The following FBRS variants were observed in gnomAD, a reference collection of about 807,000 sequenced individuals.
FBRS encodes fibrosin.
FBRS carries 15 observed loss-of-function variants against 86.1 expected under a neutral mutation model. That is an observed-to-expected ratio of 0.17 (90% CI 0.12 to 0.27). The LOEUF (loss-of-function observed/expected upper bound fraction) is 0.27. Ranked by LOEUF, FBRS falls within the 10% of genes least tolerant of loss-of-function variation. The pLI is 1.00. For missense variants in FBRS, 1,367 were observed against 1,301.6 expected (o/e 1.05, Z -0.77); for synonymous variants, 666 against 575.8 (o/e 1.16, Z -2.24).
Position 30,659,356 on chromosome 16 carries a change from GT to G in FBRS, c.-162del, listed in dbSNP as rs1357110747. On this transcript the variant is annotated 5_prime_UTR_variant, in exon 1 of 18. Transcript: ENST00000356166. ...GGGGGCGGCGCCGGCTCCCCGGGCC[GT>G]GGCCTTGGGGCAAGCTCGGGGCCAG... 3 of 196,330 alleles carry G rather than the reference GT, an allele frequency of 1.5e-5. No individual in the cohort carries two copies. Among genetic ancestry groups the G allele is most frequent in the African/African-American group, 2.4e-5 (1 of 42,280 alleles). 12.2% of individuals were successfully genotyped at this position (196,330 alleles called of 1,614,324 possible). A position where few individuals can be genotyped will look rare whatever the true frequency, so the allele number is the denominator to read the frequency against.
intron 14 of FBRS, 35 bp downstream of exon 14, chr16:30,667,472 C>A (rs1167704486): frequency 6.6e-7 from 1 of 1,519,222 alleles, no homozygotes; most frequent in East Asian, 2.5e-5. Flanking sequence ...CCTGAGGTTC[C>A]CTGTCTATAG....
In FBRS at chr16:30,664,804, C is replaced by G. The variant is rs1284172235; in HGVS notation, c.1447C>G (p.Pro483Ala). 2 of 1,557,048 alleles carry G rather than the reference C, an allele frequency of 1.3e-6. No homozygotes were observed. Among genetic ancestry groups the G allele is most frequent in the South Asian group, 2.4e-5 (2 of 84,954 alleles). ...EVVGAGGSAR[P>A]LAFQFHQHNH... is the part of the protein sequence containing the mutation. ...GGTGGGGGCAGGGGGCTCGGCCCGG[C>G]CCCTGGCCTTCCAGTTCCACCAGCA... Residue 483 changes from proline to alanine, a missense_variant, in exon 8 of 18, where the codon CCC (proline) becomes GCC (alanine). This residue lies in a region of FBRS where 702 missense variants were observed against 598.7 expected (regional missense o/e 1.17). Coordinates refer to ENST00000356166, the MANE Select transcript of FBRS (RefSeq NM_001105079.3).
Position 30,659,556 on chromosome 16 carries a change from G to C in FBRS, c.38G>C (p.Trp13Ser). The C allele has an allele frequency of 3.0e-6, 1 of 328,666 alleles. No homozygotes were observed. The highest frequency in any genetic ancestry group is 5.5e-6 in the Non-Finnish European group (1 of 182,372). 20.4% of individuals were successfully genotyped at this position (328,666 alleles called of 1,614,324 possible). ...GCGGCCGCGGCCCCGGGTCCGGGCT[G>C]GGCAGCAGAGGGGGAGCGCCGACGG... ...TAAAAAPGPG[W>S]AAEGERRRRR... Residue 13 changes from tryptophan to serine, a missense_variant, in exon 1 of 18, where the codon TGG becomes TCG. Physicochemically the swap from Trp to Ser is radical, Grantham distance 177. Transcript: ENST00000356166.
Position 30,665,638 on chromosome 16 carries a change from A to C in FBRS, c.1705A>C (p.Ser569Arg). The change falls in exon 11 of 18, where the codon AGC (serine) becomes CGC (arginine). Residue 569 changes from serine to arginine, a missense_variant and splice_region_variant. Physicochemically the swap from Ser to Arg is moderately radical, Grantham distance 110 (BLOSUM62 -1). Transcript: ENST00000356166. This position sits in a 1 kb window ranked among gnomAD's most constrained non-coding sequence, Gnocchi z 4.1. ...TGATCCCTCCACTCCCCTTTCCCAG[A>C]GCACGAACCCTGAGCTGCCACCACG... ...GSLQGAFQPK[S>R]TNPELPPRLG... The C allele has an allele frequency of 6.3e-7, 1 of 1,586,030 alleles. No individual in the cohort carries two copies.
In FBRS at chr16:30,664,411, C is replaced by G. The variant is rs767869149; in HGVS notation, c.1252C>G (p.Pro418Ala). ...TCCCGGGCTGCGGCCCCCCCCACCA[C>G]CCCACCACCCCTCCTTGTTCTCCCC... Reference protein sequence around the residue: ...PPPGLRPPPPPHHPSLFSPGP... With the variant: ...PPPGLRPPPPAHHPSLFSPGP... The change falls in exon 7 of 18, where the codon CCC becomes GCC. Residue 418 changes from proline (P) to alanine (A), a missense_variant. Transcript: ENST00000356166. 704 of 1,402,442 alleles carry G rather than the reference C, an allele frequency of 5.0e-4. 4 individuals are homozygous for G. The highest frequency in any genetic ancestry group is 1.1e-4 in the Non-Finnish European group (120 of 1,050,740). The allele number at this position is 1,402,442 out of a possible 1,614,324, so 86.9% of individuals were successfully genotyped here.
chr16:30,669,207 T>C lies in FBRS; in HGVS notation c.2505T>C (p.Ala835=), dbSNP rs750199842. ...GGAAGGAGGAGGCTGCCGCCGCCGC[T>C]GCCGCTGCTGCTGCCGCCGCCGCTG... ...EERKEEAAAA[A]AAAAAAAAAA... is the part of the protein sequence containing the mutation. Residue 835 remains alanine, a synonymous_variant, in exon 18 of 18, where the codon GCT becomes GCC. Coordinates refer to ENST00000356166, the MANE Select transcript of FBRS (RefSeq NM_001105079.3). This position sits in a 1 kb window ranked among gnomAD's most constrained non-coding sequence, Gnocchi z 5.9. 419 of 1,544,310 alleles carry C rather than the reference T, an allele frequency of 2.7e-4. 1 individual carries two copies. Among genetic ancestry groups the C allele is most frequent in the South Asian group, 5.2e-4 (44 of 84,072 alleles).
intron 1 of FBRS, 126 bp from the exon 2 acceptor site, chr16:30,660,137 A>C (rs2052439024): frequency 7.0e-7 from 1 of 1,420,386 alleles, no homozygotes; most frequent in Non-Finnish European, 9.2e-7. Flanking sequence ...GGGTGGGAGG[A>C]GGTAGAGCTC....
chr16:30,664,901 C>T lies in FBRS; in HGVS notation c.1544C>T (p.Pro515Leu). The part of the protein sequence containing the change: ...HFTPYPPGLL[P>L]PHGPHMFEKY... The stretch of plus-strand genomic sequence containing the variant: ...ACCCCTTATCCCCCGGGCCTGCTGC[C>T]ACCCCACGGCCCCCACATGGTGAGC... Residue 515 changes from proline (P) to leucine (L), a missense_variant, in exon 8 of 18, where the codon CCA becomes CTA. This residue lies in a region of FBRS where 659 missense variants were observed against 678.8 expected (regional missense o/e 0.97). Transcript: ENST00000356166. 5 of 1,610,750 alleles carry T rather than the reference C, an allele frequency of 3.1e-6. No homozygotes were observed. Among genetic ancestry groups the T allele is most frequent in the South Asian group, 1.1e-5 (1 of 90,484 alleles).
Position 30,670,293 on chromosome 16 carries a change from A to C in FBRS, c.*648A>C. On this transcript the variant is annotated 3_prime_UTR_variant, in exon 18 of 18. Coordinates refer to ENST00000356166, the MANE Select transcript of FBRS (RefSeq NM_001105079.3). ...TTCTCCCTGGGAAGGTGGGGCCAGC[A>C]GGAGATGACCAACAGGGGGCAGGAC... 1 of 436,940 alleles carries C rather than the reference A, an allele frequency of 2.3e-6. No individual in the cohort carries two copies. Among genetic ancestry groups the C allele is most frequent in the Non-Finnish European group, 4.6e-6 (1 of 217,294 alleles). The allele number at this position is 436,940 out of a possible 1,614,324, so 27.1% of individuals were successfully genotyped here.
chr16:30,659,695 G>T lies in FBRS; in HGVS notation c.177G>T (p.Ser59=). ...CGCGCGGCTCCTCGTCCTCGTCGTC[G>T]CCGCCGCCGCCCGCCAGGCCTTGGT... ...AAPRGSSSSS[S]PPPPARPWSS... is the part of the protein sequence containing the mutation. The change falls in exon 1 of 18, where the codon TCG becomes TCT. Residue 59 remains serine, a synonymous_variant. Coordinates refer to ENST00000356166, the MANE Select transcript of FBRS (RefSeq NM_001105079.3). 1 of 926,864 alleles carries T rather than the reference G, an allele frequency of 1.1e-6. No individual in the cohort carries two copies. 57.4% of individuals were successfully genotyped at this position (926,864 alleles called of 1,614,324 possible). A position where few individuals can be genotyped will look rare whatever the true frequency, so the allele number is the denominator to read the frequency against.
Position 30,658,931 on chromosome 16 carries a change from CTT to C in FBRS, c.-585_-584del, listed in dbSNP as rs762479445. The C allele has an allele frequency of 6.6e-6, 1 of 152,204 alleles. No individual in the cohort carries two copies. Among genetic ancestry groups the C allele is most frequent in the Non-Finnish European group, 1.5e-5 (1 of 68,076 alleles). The allele number at this position is 152,204 out of a possible 1,614,324, so 9.4% of individuals were successfully genotyped here. A position where few individuals can be genotyped will look rare whatever the true frequency, so the allele number is the denominator to read the frequency against. On this transcript the variant is annotated 5_prime_UTR_variant, in exon 1 of 18. Transcript: ENST00000356166. Reference sequence around the variant, plus strand: ...TCCTCCTCCCCCACACACAAGAAGTCTTTTAAATTCAACTTAAAGGGGAAGTG... The same window carrying C: ...TCCTCCTCCCCCACACACAAGAAGTCTTAAATTCAACTTAAAGGGGAAGTG...
Position 30,668,275 on chromosome 16 carries a change from G to A in FBRS, c.2075-285G>A, listed in dbSNP as rs117183757. 2,574 of 431,084 alleles carry A rather than the reference G, an allele frequency of 6.0e-3. 16 individuals carry two copies. Among genetic ancestry groups the A allele is most frequent in the Non-Finnish European group, 7.0e-3 (1,662 of 238,520 alleles). The allele number at this position is 431,084 out of a possible 1,614,324, so 26.7% of individuals were successfully genotyped here. On this transcript the variant is annotated intron_variant, in intron 15 of 17. Transcript: ENST00000356166. ...AAGCCCTGGGTTGGTACCGCTCCCT[G>A]GCTAGATGACCACCAGCAAGTCATT...
At chr16:30,663,080 G>A (rs533178302) in intron 6 of FBRS, 1 of 900,604 alleles carries the variant, frequency 1.1e-6, no homozygotes, top group Non-Finnish European at 1.5e-6. Flanking sequence ...TGTGTTTGCT[G>A]GTGAGAACGT....
In FBRS at chr16:30,668,906, C is replaced by A; in HGVS notation, c.2293C>A (p.Arg765=). The A allele has an allele frequency of 6.3e-7, 1 of 1,587,762 alleles. No homozygotes were observed. Among genetic ancestry groups the A allele is most frequent in the East Asian group, 2.3e-5 (1 of 43,820 alleles). ...CTGGGTCCGGCCCCCTGAGGCCGCC[C>A]GGACTCCAGGCTCAGACAAGGAGCG... is the stretch of plus-strand genomic sequence containing the variant. ...PAWVRPPEAA[R]TPGSDKERPV... Residue 765 remains arginine, a synonymous_variant, in exon 17 of 18, where the codon CGG becomes AGG. Transcript: ENST00000356166.
intron 11 of FBRS, chr16:30,666,188 C>T (rs536020563): frequency 1.3e-4 from 65 of 488,474 alleles, no homozygotes; most frequent in Admixed American, 2.6e-4. Flanking sequence ...AGGCATTTTC[C>T]CTAAATAAAT....
chr16:30,665,610 G>A lies in FBRS; in HGVS notation c.1705-28G>A, dbSNP rs2052513663. 1 of 1,567,036 alleles carries A rather than the reference G, an allele frequency of 6.4e-7. No homozygotes were observed. Among genetic ancestry groups the A allele is most frequent in the Non-Finnish European group, 8.7e-7 (1 of 1,155,798 alleles). Reference sequence around the variant, plus strand: ...CTTTGTGCTTGGTGCCAGCTCTCCTGTCTGATCCCTCCACTCCCCTTTCCC... The same window carrying A: ...CTTTGTGCTTGGTGCCAGCTCTCCTATCTGATCCCTCCACTCCCCTTTCCC... On this transcript the variant is annotated intron_variant, in intron 10 of 17. Coordinates refer to ENST00000356166, the MANE Select transcript of FBRS (RefSeq NM_001105079.3). This position sits in a 1 kb window ranked among gnomAD's most constrained non-coding sequence, Gnocchi z 4.1.
chr16:30,660,589 C>T lies in FBRS; in HGVS notation c.639+147C>T, dbSNP rs566430347. 11 of 1,229,838 alleles carry T rather than the reference C, an allele frequency of 8.9e-6. No individual in the cohort carries two copies. The South Asian group carries it at 1.2e-4, about 13-fold the overall frequency. 76.2% of individuals were successfully genotyped at this position (1,229,838 alleles called of 1,614,324 possible). On this transcript the variant is annotated intron_variant, in intron 2 of 17. Transcript: ENST00000356166. Reference sequence around the variant, plus strand: ...GGGCAAATTTGAGCCCTTACTCATCCGGGTCTGACGAAGGCCTGTCTACAG... The same window carrying T: ...GGGCAAATTTGAGCCCTTACTCATCTGGGTCTGACGAAGGCCTGTCTACAG...
In FBRS at chr16:30,665,432, C is replaced by T. The variant is rs747058239; in HGVS notation, c.1704+31C>T. The T allele has an allele frequency of 6.5e-7, 1 of 1,545,716 alleles. No homozygotes were observed. Among genetic ancestry groups the T allele is most frequent in the Admixed American group, 1.9e-5 (1 of 51,458 alleles). ...CTCCCAATCCAGACACCACCACCGC[C>T]TACCATCTTGACAAACCCAGACACG... is the stretch of plus-strand genomic sequence containing the variant. On this transcript the variant is annotated intron_variant, in intron 10 of 17. Coordinates refer to ENST00000356166, the MANE Select transcript of FBRS (RefSeq NM_001105079.3). This position sits in a 1 kb window ranked among gnomAD's most constrained non-coding sequence, Gnocchi z 4.1.
rs781184860 is a variant in FBRS, at chr16:30,661,174, C to T, written c.640-6C>T. The T allele has an allele frequency of 3.2e-6, 5 of 1,550,428 alleles. No individual in the cohort carries two copies. In the African/African-American group the frequency reaches 5.5e-5, roughly 17 times the overall value. Reference sequence around the variant, plus strand: ...TCCCTCACCTCTGGACTCTGGTCTTCCTCAGGCGTCCTCCCGTCACTCTCT... The same window carrying T: ...TCCCTCACCTCTGGACTCTGGTCTTTCTCAGGCGTCCTCCCGTCACTCTCT... On this transcript the variant is annotated splice_polypyrimidine_tract_variant and splice_region_variant and intron_variant, in intron 2 of 17. Coordinates refer to ENST00000356166, the MANE Select transcript of FBRS (RefSeq NM_001105079.3).
Sources: gnomAD v4.1 joint callset for allele counts on GRCh38, gnomAD v4.1.1 for gene constraint, gnomAD v4.1.1 regional missense constraint, Gnocchi (gnomAD v3.1) non-coding constraint, MANE v1.5 for transcripts, NCBI Gene and HGNC (gene_info 2026-07-23, HGNC 2026-07-21) for gene names.